Variants in MAK16 observed in about 807,000 individuals in gnomAD.
MAK16 encodes protein MAK16 homolog.
A neutral mutation model predicts 49.9 loss-of-function variants in MAK16; 12 were observed. That is an observed-to-expected ratio of 0.24 (90% CI 0.15 to 0.39). The LOEUF is 0.39. Ranked by LOEUF, MAK16 falls within the 10% of genes least tolerant of loss-of-function variation. MAK16 has a pLI of 1.00. For missense variants in MAK16, 292 were observed against 363.7 expected, an observed-to-expected ratio of 0.80 and a Z score of 1.60; for synonymous variants, 115 against 126.4, an observed-to-expected ratio of 0.91 and a Z score of 0.60.
intron 9 of MAK16, 63 bp downstream of exon 9, chr8:33,497,360 A>AT: frequency 8.4e-7 from 1 of 1,185,200 alleles, no homozygotes; most frequent in Non-Finnish European, 1.2e-6. Context: ...AAAAACAAAA[A>AT]CAGGGAGGTG....
chr8:33,500,426 C>A lies in MAK16; in HGVS notation c.*1797C>A. The A allele has an allele frequency of 6.2e-7, 1 of 1,614,094 alleles. No homozygotes were observed. The highest frequency in any genetic ancestry group is 8.5e-7 in the Non-Finnish European group (1 of 1,180,016). ...ACAGACTCAGGTGTAAGGTTTGGAT[C>A]CCTTGCTACATCACAAATCAGTTTC... On this transcript the variant is annotated 3_prime_UTR_variant, in exon 10 of 10. Transcript: ENST00000360128.
intron 1 of MAK16, among the ~76,000 whole-genome samples, chr8:33,487,085 T>C (rs1482323218): frequency 2.0e-5 from 3 of 152,200 alleles, no homozygotes; most frequent in African/African-American, 7.2e-5. Context: ...TAAAGCTTTT[T>C]TTTACCCCAG....
At chr8:33,486,475 C>G (rs1051923645) in intron 1 of MAK16, among the ~76,000 whole-genome samples, 3 of 152,142 alleles carry the variant, frequency 2.0e-5, no homozygotes, top group Non-Finnish European at 2.9e-5. Context: ...CTACTTGAGC[C>G]GAAAAGTCCG....
Position 33,500,494 on chromosome 8 carries a change from G to C in MAK16, c.*1865G>C, listed in dbSNP as rs751077756. 9.3e-6 allele frequency: 15 copies of C among 1,613,888 alleles called. No individual in the cohort carries two copies. Among genetic ancestry groups the C allele is most frequent in the Non-Finnish European group, 1.3e-5 (15 of 1,179,950 alleles). Reference sequence around the variant, plus strand: ...GACCACAAGTCTGCAGGAAACTCTGGAATCAGGAAGAAAAGCTATGTTCAT... The same window carrying C: ...GACCACAAGTCTGCAGGAAACTCTGCAATCAGGAAGAAAAGCTATGTTCAT... On this transcript the variant is annotated 3_prime_UTR_variant, in exon 10 of 10. Transcript: ENST00000360128.
intron 1 of MAK16, 143 bp downstream of exon 1, chr8:33,485,364 A>G (rs1808669301): frequency 9.0e-6 from 10 of 1,115,630 alleles, no homozygotes; most frequent in Non-Finnish European, 1.3e-5. Context: ...CGATTTTCCA[A>G]CATAGGTTCT....
intron 1 of MAK16, among the ~76,000 whole-genome samples, chr8:33,487,774 G>A (rs952288612): frequency 1.4e-4 from 21 of 152,052 alleles, no homozygotes; most frequent in East Asian, 3.9e-4. Context: ...GGAAAGTTAC[G>A]AAGTATATAA....
At chr8:33,488,896 G>A in intron 4 of MAK16, 92 bp from the exon 5 acceptor site, 1 of 1,601,632 alleles carries the variant, frequency 6.2e-7, no homozygotes, top group Non-Finnish European at 8.6e-7. Flanking sequence ...AACTTTTGAG[G>A]CCATCCTCAT....
At chr8:33,497,398 T>C (rs1585317764) in intron 9 of MAK16, 101 bp downstream of exon 9, 1 of 864,204 alleles carries the variant, frequency 1.2e-6, no homozygotes, top group Admixed American at 2.3e-5. Flanking sequence ...ACTCCTATAA[T>C]TGCAGCACTT....
In MAK16 at chr8:33,500,354, C is replaced by T; in HGVS notation, c.*1725C>T. ...TTTACCCGTCCTTGAGAACAGCGGT[C>T]CAGGAGAATCAGGCAGTCTGTGGCC... is the stretch of plus-strand genomic sequence containing the variant. On this transcript the variant is annotated 3_prime_UTR_variant, in exon 10 of 10. Coordinates refer to ENST00000360128, the MANE Select transcript of MAK16 (RefSeq NM_032509.4). The T allele has an allele frequency of 6.2e-7, 1 of 1,614,118 alleles. No individual in the cohort carries two copies. Among genetic ancestry groups the T allele is most frequent in the Non-Finnish European group, 8.5e-7 (1 of 1,180,022 alleles).
At chr8:33,492,459 T>C (rs1210576772) in intron 6 of MAK16, among the ~76,000 whole-genome samples, 1 of 152,178 alleles carries the variant, frequency 6.6e-6, no homozygotes, top group African/African-American at 2.4e-5. Context: ...CCTTTGCTTG[T>C]GGGATATTAA....
At chr8:33,485,458 G>C (rs1008967324) in intron 1 of MAK16, 1 of 600,504 alleles carries the variant, frequency 1.7e-6, no homozygotes, top group Non-Finnish European at 3.0e-6. Context: ...CCATGGGGTC[G>C]ATGTGTCCCG....
Position 33,498,739 on chromosome 8 carries a change from A to C in MAK16, c.*110A>C, listed in dbSNP as rs1001490144. 11 of 898,632 alleles carry C rather than the reference A, an allele frequency of 1.2e-5. No individual in the cohort carries two copies. Among genetic ancestry groups the C allele is most frequent in the Admixed American group, 2.9e-5 (1 of 34,938 alleles). 55.7% of individuals were successfully genotyped at this position (898,632 alleles called of 1,614,324 possible). On this transcript the variant is annotated 3_prime_UTR_variant, in exon 10 of 10. Transcript: ENST00000360128. Reference sequence around the variant, plus strand: ...GTTTTTGCTCTTTTGTGTTGTACTGAACACAATATTTGTGTTTTTATTATT... The same window carrying C: ...GTTTTTGCTCTTTTGTGTTGTACTGCACACAATATTTGTGTTTTTATTATT...
intron 7 of MAK16, among the ~76,000 whole-genome samples, 160 bp from the exon 8 acceptor site, chr8:33,496,465 T>C (rs1213786780): frequency 6.6e-6 from 1 of 152,190 alleles, no homozygotes; most frequent in African/African-American, 2.4e-5. Context: ...AAGAACATGC[T>C]TTTTTAAGAC....
chr8:33,498,956 C>CT lies in MAK16; in HGVS notation c.*333dup. ...TTTAAATGCTACATTACTTGGTGTCCTTTTTTCTCCCAAACTTTATTTAGA... is the reference window on the plus strand; with the variant it reads ...TTTAAATGCTACATTACTTGGTGTCCTTTTTTTCTCCCAAACTTTATTTAGA... On this transcript the variant is annotated 3_prime_UTR_variant, in exon 10 of 10. Coordinates refer to ENST00000360128, the MANE Select transcript of MAK16 (RefSeq NM_032509.4). The CT allele has an allele frequency of 1.7e-6, 1 of 588,086 alleles. No individual in the cohort carries two copies. The allele number at this position is 588,086 out of a possible 1,614,324, so 36.4% of individuals were successfully genotyped here. A position where few individuals can be genotyped will look rare whatever the true frequency, so the allele number is the denominator to read the frequency against.
rs1161621217 is a variant in MAK16 at position 33,495,576 on chromosome 8, C to G, written c.482C>G (p.Ala161Gly). The change falls in exon 7 of 10, where the codon GCC (alanine) becomes GGC (glycine). Residue 161 changes from alanine to glycine, a missense_variant. Physicochemically the swap from Ala to Gly is moderately conservative, Grantham distance 60 (BLOSUM62 0). Coordinates refer to ENST00000360128, the MANE Select transcript of MAK16 (RefSeq NM_032509.4). The stretch of plus-strand genomic sequence containing the variant: ...TTAATAGCTGCTCAGCTGGACAATG[C>G]CATTGAGAAGGAATTACTGGAGAGA... ...KALIAAQLDN[A>G]IEKELLERLK... is the part of the protein sequence containing the mutation. 2 of 1,613,264 alleles carry G rather than the reference C, an allele frequency of 1.2e-6. No individual in the cohort carries two copies. The highest frequency in any genetic ancestry group is 4.5e-5 in the East Asian group (2 of 44,818).
At chr8:33,488,695 T>G in intron 3 of MAK16, 39 bp from the exon 4 acceptor site, 1 of 1,611,982 alleles carries the variant, frequency 6.2e-7, no homozygotes, top group South Asian at 1.1e-5. Context: ...TTCTTTAGTT[T>G]CTGTAAATAA....
chr8:33,486,800 G>A (rs930718134), intron 1 of MAK16, among the ~76,000 whole-genome samples: 1 of 152,168 alleles, frequency 6.6e-6, no homozygotes, highest in African/African-American at 2.4e-5. Context: ...GAGGGATGTG[G>A]AATTGAGAAC....
chr8:33,498,805 G>A lies in MAK16; in HGVS notation c.*176G>A, dbSNP rs76212197. 0.021 allele frequency: 13,151 copies of A among 639,966 alleles called. 195 individuals carry two copies. The highest frequency in any genetic ancestry group is 0.048 in the South Asian group (2,341 of 48,812). 39.6% of individuals were successfully genotyped at this position (639,966 alleles called of 1,614,324 possible). A position where few individuals can be genotyped will look rare whatever the true frequency, so the allele number is the denominator to read the frequency against. On this transcript the variant is annotated 3_prime_UTR_variant, in exon 10 of 10. Transcript: ENST00000360128. ...GGGCAAGAAATCTGGAGTGAGTGAA[G>A]AAAGCTAAGTTGTGAACAAGAGTGT...
At chr8:33,497,822 G>C (rs1046099978) in intron 9 of MAK16, among the ~76,000 whole-genome samples, 1 of 151,472 alleles carries the variant, frequency 6.6e-6, no homozygotes, top group Non-Finnish European at 1.5e-5. Context: ...ATGACCAGGC[G>C]TGGTGGCTCA....
Sources: gnomAD v4.1 joint callset for allele counts (sites outside exome capture counted in the v4.1 genomes callset) on GRCh38, gnomAD v4.1.1 for gene constraint, MANE v1.5 for transcripts, NCBI Gene and HGNC (gene_info 2026-07-23, HGNC 2026-07-21) for gene names.